COL6A5: variants seen among roughly 807,000 people sequenced by gnomAD.
COL6A5 encodes the protein collagen alpha-5(VI) chain.
In COL6A5, 48 loss-of-function variants were observed where a neutral mutation model predicts 65.6. That is an observed-to-expected ratio of 0.73 (90% CI 0.58 to 0.93). The LOEUF (loss-of-function observed/expected upper bound fraction) is 0.93, where lower values mean the gene tolerates loss of function less well. Ranked by LOEUF, COL6A5 falls within the 40% of genes least tolerant of loss-of-function variation. The probability of loss-of-function intolerance (pLI) is 0.00; values close to 1 mark genes in which losing one functional copy is unlikely to be tolerated. For missense variants in COL6A5, 914 were observed against 928.3 expected, an observed-to-expected ratio of 0.98 and a Z score of 0.20; for synonymous variants, 291 against 322.8, an observed-to-expected ratio of 0.90 and a Z score of 1.05.
chr3:130,345,924 T>G, exon 1 of COL6A5: 2 of 398,602 alleles, frequency 5.0e-6, no homozygotes. Context: ...CAGCCTCTTC[T>G]GGAGAGTTGG....
intron 5 of COL6A5, 119 bp from the exon 6 acceptor site, chr3:130,388,461 C>G (rs1456765257): frequency 3.6e-6 from 3 of 838,098 alleles, no homozygotes; most frequent in Non-Finnish European, 5.4e-6. Context: ...AACATAACAA[C>G]AGTTGCCTGA....
chr3:130,417,483 G>T (rs2107680750), intron 24 of COL6A5, among the ~76,000 whole-genome samples: 1 of 152,170 alleles, frequency 6.6e-6, no homozygotes, highest in East Asian at 1.9e-4. Context: ...AGGAGAGAGT[G>T]ATCTCACCCA....
chr3:130,357,875 A>G (rs1469349051), intron 1 of COL6A5, among the ~76,000 whole-genome samples: 1 of 152,150 alleles, frequency 6.6e-6, no homozygotes, highest in South Asian at 2.1e-4. Context: ...AACATGTGTA[A>G]TGAAGAAAAC....
intron 1 of COL6A5, among the ~76,000 whole-genome samples, chr3:130,366,357 C>T (rs947897614): frequency 6.6e-6 from 1 of 152,166 alleles, no homozygotes; most frequent in African/African-American, 2.4e-5. Context: ...TGCCAATGCT[C>T]TTGCAAGAAG....
At chr3:130,437,607 A>G (rs1251430696) in intron 1 of COL6A5, among the ~76,000 whole-genome samples, 1 of 152,130 alleles carries the variant, frequency 6.6e-6, no homozygotes, top group African/African-American at 2.4e-5. Flanking sequence ...TAAATGATCT[A>G]CCACCCAATC....
chr3:130,416,804 A>G, exon 24 of COL6A5: 1 of 1,519,948 alleles, frequency 6.6e-7, no homozygotes, highest in Non-Finnish European at 8.8e-7. Flanking sequence ...GAAGACCTGG[A>G]CTTTTGGGGA....
At chr3:130,375,542 C>T (rs1935731926) in intron 2 of COL6A5, among the ~76,000 whole-genome samples, 1 of 152,114 alleles carries the variant, frequency 6.6e-6, no homozygotes, top group Non-Finnish European at 1.5e-5. Context: ...CCACCTGAGA[C>T]AATTGCTTAC....
chr3:130,431,545 A>G, exon 1 of COL6A5: 1 of 1,551,630 alleles, frequency 6.4e-7, no homozygotes, highest in African/African-American at 1.4e-5. Context: ...CTTTAATAAA[A>G]CACGGGACAT....
intron 5 of COL6A5, among the ~76,000 whole-genome samples, chr3:130,461,094 A>AC: frequency 2.6e-5 from 4 of 152,066 alleles, no homozygotes; most frequent in Non-Finnish European, 5.9e-5. Context: ...TCCTGTTCTG[A>AC]ATTAAGCCCT....
chr3:130,356,940 T>A (rs2107617237), intron 1 of COL6A5, among the ~76,000 whole-genome samples: 1 of 152,114 alleles, frequency 6.6e-6, no homozygotes, highest in East Asian at 1.9e-4. Flanking sequence ...AAGTTAGGGG[T>A]AAAGCAAAAC....
At chr3:130,402,974 G>C (rs1936865030) in intron 12 of COL6A5, among the ~76,000 whole-genome samples, 1 of 152,062 alleles carries the variant, frequency 6.6e-6, no homozygotes, top group African/African-American at 2.4e-5. Context: ...GTGATGTTTT[G>C]TTTAGCACAA....
At chr3:130,366,185 A>C (rs1406226231) in intron 1 of COL6A5, among the ~76,000 whole-genome samples, 1 of 152,252 alleles carries the variant, frequency 6.6e-6, no homozygotes, top group East Asian at 1.9e-4. Context: ...GATTAGTAAC[A>C]TAAGCAAGAC....
chr3:130,431,751 T>C (rs1937821720), exon 1 of COL6A5: 1 of 1,551,524 alleles, frequency 6.4e-7, no homozygotes. Context: ...ATGTTGGTAA[T>C]GCAATGAGGT....
intron 2 of COL6A5, among the ~76,000 whole-genome samples, chr3:130,375,329 C>CA (rs1935724585): frequency 6.6e-6 from 1 of 152,124 alleles, no homozygotes; most frequent in African/African-American, 2.4e-5. Flanking sequence ...TAGGGTAGCA[C>CA]AAAAAACTGG....
At chr3:130,476,628 G>A (rs1415985232) in intron 7 of COL6A5, among the ~76,000 whole-genome samples, 1 of 152,000 alleles carries the variant, frequency 6.6e-6, no homozygotes, top group African/African-American at 2.4e-5. Flanking sequence ...TGATTTCAAT[G>A]TGCATTCAAG....
chr3:130,353,071 A>G (rs1177249972), intron 1 of COL6A5, among the ~76,000 whole-genome samples: 1 of 152,246 alleles, frequency 6.6e-6, no homozygotes, highest in Non-Finnish European at 1.5e-5. Flanking sequence ...GAAAATTATG[A>G]AACCTAATGT....
intron 1 of COL6A5, among the ~76,000 whole-genome samples, chr3:130,436,248 TATC>T (rs1709031946): frequency 1.3e-5 from 2 of 150,726 alleles, no homozygotes; most frequent in Non-Finnish European, 3.0e-5. Context: ...TTTAATATAT[TATC>T]ATTTATTTAT....
At chr3:130,440,858 TA>T in intron 3 of COL6A5, 33 bp downstream of exon 35, 1 of 1,517,108 alleles carries the variant, frequency 6.6e-7, no homozygotes, top group Non-Finnish European at 9.1e-7. Context: ...GTCTTTTTTT[TA>T]ATAAGCTAGT....
At chr3:130,452,150 A>G (rs149492493) in intron 4 of COL6A5, among the ~76,000 whole-genome samples, 100 of 152,278 alleles carry the variant, frequency 6.6e-4, no homozygotes, top group African/African-American at 2.3e-3. Flanking sequence ...CATGACCCAT[A>G]GTTAACCCAG....
Sources: gnomAD v4.1 joint callset for allele counts (sites outside exome capture counted in the v4.1 genomes callset) on GRCh38, gnomAD v4.1.1 for gene constraint, MANE v1.5 for transcripts, NCBI Gene and HGNC (gene_info 2026-07-23, HGNC 2026-07-21) for gene names.